Variants in NTNG1 observed in about 807,000 individuals in gnomAD.
NTNG1 encodes netrin-G1.
Under a neutral mutation model 54.0 loss-of-function variants are expected in NTNG1, and 16 were observed. The ratio of observed to expected loss-of-function variants is 0.30; its 90% CI spans 0.20 to 0.45. The LOEUF (loss-of-function observed/expected upper bound fraction) is 0.45. NTNG1 is among the 20% of genes least tolerant of loss of function. NTNG1 has a pLI of 1.00. For missense variants in NTNG1, 530 were observed against 678.7 expected (o/e 0.78, Z 2.43); for synonymous variants, 255 against 263.1 (o/e 0.97, Z 0.30).
chr1:107,213,205 A>G (rs1038923237), intron 2 of NTNG1, among the ~76,000 whole-genome samples: 3 of 152,044 alleles, frequency 2.0e-5, no homozygotes, highest in African/African-American at 7.2e-5. Context: ...AACTAATTTG[A>G]ATTGATCTGA....
intron 2 of NTNG1, among the ~76,000 whole-genome samples, chr1:107,151,429 G>A (rs905029579): frequency 6.6e-6 from 1 of 152,054 alleles, no homozygotes; most frequent in African/African-American, 2.4e-5. Flanking sequence ...CCTCCTTGAC[G>A]CTTGCATCCA....
intron 2 of NTNG1, among the ~76,000 whole-genome samples, chr1:107,252,120 T>C (rs761179849): frequency 1.2e-4 from 19 of 152,208 alleles, no homozygotes; most frequent in Non-Finnish European, 2.5e-4. Context: ...GGTTCATAGA[T>C]GGAATTGCTT....
chr1:107,420,238 G>T (rs1306005894), intron 5 of NTNG1, among the ~76,000 whole-genome samples: 2 of 152,042 alleles, frequency 1.3e-5, no homozygotes, highest in Non-Finnish European at 2.9e-5. Context: ...ATATCATTAT[G>T]TAATACCAGT....
intron 3 of NTNG1, among the ~76,000 whole-genome samples, chr1:107,394,503 A>G (rs1007266154): frequency 6.6e-6 from 1 of 151,724 alleles, no homozygotes; most frequent in African/African-American, 2.4e-5. Flanking sequence ...GCCCTTTGTG[A>G]TTCTCCGATT....
At chr1:107,219,318 C>T (rs1315285887) in intron 2 of NTNG1, among the ~76,000 whole-genome samples, 1 of 152,048 alleles carries the variant, frequency 6.6e-6, no homozygotes, top group Non-Finnish European at 1.5e-5. Context: ...CTATTAGTAT[C>T]CTGTACTATG....
chr1:107,315,030 T>C (rs997212047), intron 2 of NTNG1, among the ~76,000 whole-genome samples: 7 of 152,264 alleles, frequency 4.6e-5, no homozygotes, highest in Admixed American at 1.3e-4. Flanking sequence ...ACATTTCCAG[T>C]CTTGAACTCT....
At chr1:107,194,090 G>A (rs564938183) in intron 2 of NTNG1, among the ~76,000 whole-genome samples, 8 of 152,000 alleles carry the variant, frequency 5.3e-5, no homozygotes, top group African/African-American at 1.4e-4. Flanking sequence ...TCTGGTCTTT[G>A]TACCTTTGCA....
At chr1:107,330,252 CT>C (rs1224487667) in intron 3 of NTNG1, among the ~76,000 whole-genome samples, 3 of 152,176 alleles carry the variant, frequency 2.0e-5, no homozygotes, top group Non-Finnish European at 4.4e-5. Context: ...CTCTTTCTCT[CT>C]GATTCTCCCA....
chr1:107,457,310 A>G (rs1677009418), intron 7 of NTNG1, among the ~76,000 whole-genome samples: 1 of 152,228 alleles, frequency 6.6e-6, no homozygotes, highest in Non-Finnish European at 1.5e-5. Flanking sequence ...CCAATACTTC[A>G]GCTTAAAAGA....
chr1:107,480,941 C>T lies in NTNG1; in HGVS notation c.*101C>T. On this transcript the variant is annotated 3_prime_UTR_variant, in exon 8 of 8. Transcript: ENST00000370068. The stretch of plus-strand genomic sequence containing the variant: ...AGGAAACACACACATACAGACACCC[C>T]CACTCAGACAGTGTACAAACTAAGA... 1 of 840,612 alleles carries T rather than the reference C, an allele frequency of 1.2e-6. No homozygotes were observed. Among genetic ancestry groups the T allele is most frequent in the Non-Finnish European group, 1.9e-6 (1 of 531,958 alleles). The allele number at this position is 840,612 out of a possible 1,614,324, so 52.1% of individuals were successfully genotyped here.
intron 5 of NTNG1, among the ~76,000 whole-genome samples, chr1:107,422,729 C>T (rs1448423612): frequency 6.6e-6 from 1 of 152,024 alleles, no homozygotes; most frequent in Non-Finnish European, 1.5e-5. Flanking sequence ...AGGTCTTTTT[C>T]TCAAATTCTT....
At chr1:107,242,913 G>T (rs1206023881) in intron 2 of NTNG1, among the ~76,000 whole-genome samples, 2 of 152,190 alleles carry the variant, frequency 1.3e-5, no homozygotes, top group Non-Finnish European at 2.9e-5. Flanking sequence ...AGCCTTATTT[G>T]AGAAGAAATA....
intron 6 of NTNG1, among the ~76,000 whole-genome samples, chr1:107,433,616 T>G (rs902228017): frequency 6.6e-6 from 1 of 152,212 alleles, no homozygotes; most frequent in African/African-American, 2.4e-5. Flanking sequence ...ATTTCTTAAA[T>G]TATTGCCCTT....
chr1:107,484,580 C>T lies in NTNG1; in HGVS notation c.*3740C>T, dbSNP rs925594214. On this transcript the variant is annotated 3_prime_UTR_variant, in exon 8 of 8. Transcript: ENST00000370068. ...TTGGCACAAACTGCTAACCACATAA[C>T]ACAAAGAAAGGTCCAGGTTGGAAGA... 1.1e-4 allele frequency among the ~76,000 whole-genome samples: 17 copies of T among 152,190 alleles called. No individual in the cohort carries two copies. The highest frequency in any genetic ancestry group is 4.1e-4 in the African/African-American group (17 of 41,448).
intron 2 of NTNG1, among the ~76,000 whole-genome samples, chr1:107,231,247 C>T (rs1318975522): frequency 6.6e-6 from 1 of 152,138 alleles, no homozygotes; most frequent in Non-Finnish European, 1.5e-5. Flanking sequence ...AGCTCAATTG[C>T]TGGCATAAAC....
At chr1:107,474,252 T>C (rs1678170486) in intron 7 of NTNG1, among the ~76,000 whole-genome samples, 1 of 152,174 alleles carries the variant, frequency 6.6e-6, no homozygotes, top group African/African-American at 2.4e-5. Context: ...AGTTGGGACA[T>C]GCTTAAAATG....
chr1:107,254,878 CAA>C (rs768793653), intron 2 of NTNG1, among the ~76,000 whole-genome samples: 133 of 152,242 alleles, frequency 8.7e-4, no homozygotes, highest in Non-Finnish European at 1.7e-3. Context: ...CTTTAGTATT[CAA>C]AGAGGCTTCA....
intron 3 of NTNG1, among the ~76,000 whole-genome samples, chr1:107,391,527 G>A (rs1301684518): frequency 1.3e-5 from 2 of 152,088 alleles, no homozygotes; most frequent in African/African-American, 4.8e-5. Context: ...AAATACCTAA[G>A]ACTTGGTAAT....
chr1:107,472,850 G>A (rs1289300023), intron 7 of NTNG1, among the ~76,000 whole-genome samples: 1 of 152,094 alleles, frequency 6.6e-6, no homozygotes, highest in East Asian at 1.9e-4. Flanking sequence ...CATGGCCCAG[G>A]AGCTAACCTG....
Sources: allele counts gnomAD v4.1 joint callset (sites outside exome capture counted in the v4.1 genomes callset), GRCh38; gene constraint gnomAD v4.1.1; transcripts MANE v1.5; gene names NCBI Gene and HGNC (gene_info 2026-07-23, HGNC 2026-07-21).